The following CCSER1 variants were observed in gnomAD, a reference collection of about 807,000 sequenced individuals.
CCSER1 encodes the protein coiled-coil serine rich protein 1.
CCSER1 carries 41 observed loss-of-function variants against 82.0 expected under a neutral mutation model. The ratio of observed to expected loss-of-function variants is 0.50; its 90% CI spans 0.39 to 0.65. The LOEUF (loss-of-function observed/expected upper bound fraction) is 0.65. Ranked by LOEUF, CCSER1 falls within the 30% of genes least tolerant of loss-of-function variation. CCSER1 has a pLI of 0.00. For synonymous variants in CCSER1, 414 were observed against 383.9 expected (o/e 1.08, Z -0.92); for missense variants, 1,119 against 1,064.2 (o/e 1.05, Z -0.72).
chr4:90,279,436 A>T (rs1388109729), intron 1 of CCSER1, among the ~76,000 whole-genome samples: 1 of 152,064 alleles, frequency 6.6e-6, no homozygotes, highest in African/African-American at 2.4e-5. Context: ...AGGTAGCCAC[A>T]TAGAAATGCT....
chr4:90,143,491 TACACAC>T (rs56859054), intron 1 of CCSER1, among the ~76,000 whole-genome samples: 18 of 141,404 alleles, frequency 1.3e-4, no homozygotes, highest in South Asian at 6.8e-4. Flanking sequence ...AGTACACACA[TACACAC>T]ACACACACAC....
At chr4:91,508,381 A>T (rs543913673) in intron 10 of CCSER1, among the ~76,000 whole-genome samples, 1 of 151,538 alleles carries the variant, frequency 6.6e-6, no homozygotes, top group Non-Finnish European at 1.5e-5. Flanking sequence ...ACCTCCTTTC[A>T]TCCATTAATA....
chr4:91,117,563 CA>C (rs1726727823), intron 10 of CCSER1, among the ~76,000 whole-genome samples: 3 of 152,068 alleles, frequency 2.0e-5, no homozygotes, highest in Admixed American at 2.0e-4. Context: ...AAGAAGAAAC[CA>C]AAACCATCTT....
chr4:90,427,669 T>G (rs1757711033), intron 4 of CCSER1, among the ~76,000 whole-genome samples: 1 of 151,702 alleles, frequency 6.6e-6, no homozygotes, highest in Non-Finnish European at 1.5e-5. Context: ...GCGTATTTCT[T>G]TAGCACCTCT....
At chr4:90,858,222 T>G (rs1266014094) in intron 8 of CCSER1, among the ~76,000 whole-genome samples, 1 of 152,046 alleles carries the variant, frequency 6.6e-6, no homozygotes, top group East Asian at 1.9e-4. Context: ...GTATTTCTTA[T>G]TGCTTCAAAT....
intron 4 of CCSER1, among the ~76,000 whole-genome samples, chr4:90,438,292 C>T (rs555365533): frequency 4.8e-4 from 73 of 152,032 alleles, no homozygotes; most frequent in Non-Finnish European, 7.9e-4. Context: ...TTAAGAGATT[C>T]ATTGCTATTA....
chr4:90,953,287 T>A (rs549127011), intron 9 of CCSER1, among the ~76,000 whole-genome samples: 2 of 151,888 alleles, frequency 1.3e-5, no homozygotes, highest in African/African-American at 2.4e-5. Context: ...AAGGAAAAAA[T>A]TTTTTCAACT....
chr4:91,329,775 C>G (rs912089273), intron 10 of CCSER1, among the ~76,000 whole-genome samples: 22 of 152,068 alleles, frequency 1.4e-4, no homozygotes, highest in Non-Finnish European at 2.8e-4. Flanking sequence ...TTAAATATTT[C>G]TTATGTAAAA....
At chr4:90,393,720 A>G (rs1238448450) in intron 3 of CCSER1, among the ~76,000 whole-genome samples, 2 of 151,372 alleles carry the variant, frequency 1.3e-5, no homozygotes, top group Non-Finnish European at 2.9e-5. Context: ...AAAGAGATTC[A>G]TGAAACTACT....
intron 5 of CCSER1, among the ~76,000 whole-genome samples, chr4:90,548,169 A>G (rs1249022938): frequency 2.0e-5 from 3 of 152,146 alleles, no homozygotes; most frequent in African/African-American, 7.2e-5. Context: ...AAGAGGGCCA[A>G]GTCTGGATTT....
At chr4:90,429,268 A>G (rs551255220) in intron 4 of CCSER1, among the ~76,000 whole-genome samples, 2 of 151,864 alleles carry the variant, frequency 1.3e-5, no homozygotes, top group African/African-American at 2.4e-5. Context: ...ATGTAGCCAC[A>G]TTGCCATTGT....
At chr4:90,884,987 A>G (rs1041616724) in intron 8 of CCSER1, among the ~76,000 whole-genome samples, 5 of 152,150 alleles carry the variant, frequency 3.3e-5, no homozygotes, top group African/African-American at 1.2e-4. Context: ...ATTACAATAG[A>G]GTTAGAACTT....
At chr4:90,484,611 G>A (rs937351645) in intron 5 of CCSER1, among the ~76,000 whole-genome samples, 2 of 152,298 alleles carry the variant, frequency 1.3e-5, no homozygotes, top group African/African-American at 4.8e-5. Flanking sequence ...TCAGCTGCAG[G>A]TCTGTTGGAG....
intron 10 of CCSER1, among the ~76,000 whole-genome samples, chr4:91,342,932 C>T (rs1241868534): frequency 6.6e-6 from 1 of 151,990 alleles, no homozygotes; most frequent in African/African-American, 2.4e-5. Flanking sequence ...GATTAATTCA[C>T]TCCTTTAAGC....
At chr4:90,467,268 T>A (rs1487746974) in intron 4 of CCSER1, among the ~76,000 whole-genome samples, 2 of 151,934 alleles carry the variant, frequency 1.3e-5, no homozygotes, top group Non-Finnish European at 2.9e-5. Flanking sequence ...CCTGTAGTCC[T>A]AGCTACTTGG....
chr4:90,806,958 G>C (rs1757595534), intron 7 of CCSER1, among the ~76,000 whole-genome samples: 1 of 149,260 alleles, frequency 6.7e-6, no homozygotes, highest in South Asian at 2.1e-4. Flanking sequence ...GAACCAACTT[G>C]TGACATTTTA....
rs76256852 is a variant in CCSER1, at chr4:91,118,787, T to A, written c.2217+32793T>A. 9.7e-3 allele frequency among the ~76,000 whole-genome samples: 1,476 copies of A among 152,294 alleles called. 15 individuals carry two copies. The highest frequency in any genetic ancestry group is 0.033 in the African/African-American group (1,371 of 41,562). ...CTAACTTGCAACTTTCTCAATGACA[T>A]AAGTGTTAGACTGTGTCATTTTGAA... On this transcript the variant is annotated intron_variant, in intron 10 of 10. Transcript: ENST00000509176.
chr4:90,674,594 C>T (rs1302138548), intron 6 of CCSER1, among the ~76,000 whole-genome samples: 1 of 151,700 alleles, frequency 6.6e-6, no homozygotes, highest in African/African-American at 2.4e-5. Flanking sequence ...TTAAAATTGA[C>T]CTTTAAAAAT....
chr4:91,521,199 G>A lies in CCSER1; in HGVS notation c.2218-77373G>A, dbSNP rs527406009. On this transcript the variant is annotated intron_variant, in intron 10 of 10. Transcript: ENST00000509176. ...GGTTTACAGCTTCATGCATGTCCCT[G>A]CAAAGGACATGAACTCATCATTTTT... Among the ~76,000 whole-genome samples, 8 of 152,252 alleles carry A rather than the reference G, an allele frequency of 5.3e-5. No homozygotes were observed. The East Asian group carries it at 1.5e-3, about 29-fold the overall frequency.
Sources: gnomAD v4.1 joint callset for allele counts (sites outside exome capture counted in the v4.1 genomes callset) on GRCh38, gnomAD v4.1.1 for gene constraint, MANE v1.5 for transcripts, NCBI Gene and HGNC (gene_info 2026-07-23, HGNC 2026-07-21) for gene names.